ANO2: variants seen among roughly 807,000 people sequenced by gnomAD.
ANO2 encodes anoctamin-2.
ANO2 carries 101 observed loss-of-function variants against 124.2 expected under a neutral mutation model. The observed-to-expected ratio is 0.81, with a 90% CI of 0.69 to 0.96. The LOEUF (loss-of-function observed/expected upper bound fraction) is 0.96. ANO2 is among the 40% of genes least tolerant of loss of function. ANO2 has a pLI of 0.00. For missense variants in ANO2, 1,293 were observed against 1,274.5 expected (o/e 1.01, Z -0.22); for synonymous variants, 486 against 482.5 (o/e 1.01, Z -0.09).
In ANO2 at chr12:5,585,923, A is replaced by G. The variant is rs530913901; in HGVS notation, c.2234-7405T>C. On this transcript the variant is annotated intron_variant, in intron 20 of 24. Coordinates refer to ENST00000682330, the MANE Select transcript of ANO2 (RefSeq NM_001364791.2). ...GTTTATAGGATTTTAGAAAACGGAA[A>G]TAAGGAGCACAGAAAAGAGGACAAA... 2.0e-5 allele frequency among the ~76,000 whole-genome samples: 3 copies of G among 152,386 alleles called. No homozygotes were observed. In the East Asian group the frequency reaches 5.8e-4, roughly 29 times the overall value.
chr12:5,640,681 T>C (rs1466489085), intron 15 of ANO2, among the ~76,000 whole-genome samples: 11 of 152,112 alleles, frequency 7.2e-5, no homozygotes, highest in Non-Finnish European at 1.5e-4. Context: ...TGAGATACCA[T>C]CCCACACCAG....
At chr12:5,840,153 C>A (rs181962638) in intron 4 of ANO2, among the ~76,000 whole-genome samples, 32 of 152,262 alleles carry the variant, frequency 2.1e-4, no homozygotes, top group Admixed American at 4.6e-4. Context: ...CACATGTTAG[C>A]CAGCTGTTCC....
intron 7 of ANO2, among the ~76,000 whole-genome samples, chr12:5,810,199 G>T (rs149799204): frequency 6.6e-6 from 1 of 152,116 alleles, no homozygotes; most frequent in Non-Finnish European, 1.5e-5. Flanking sequence ...GAAGGGAGGA[G>T]AAAGTACATT....
intron 3 of ANO2, among the ~76,000 whole-genome samples, chr12:5,878,002 C>T (rs1938226470): frequency 6.6e-6 from 1 of 152,156 alleles, no homozygotes; most frequent in African/African-American, 2.4e-5. Context: ...GGTTGGAGAC[C>T]CCTGGTTTAA....
At chr12:5,905,018 AC>A (rs1432792172) in intron 3 of ANO2, among the ~76,000 whole-genome samples, 4 of 151,884 alleles carry the variant, frequency 2.6e-5, no homozygotes, top group Non-Finnish European at 5.9e-5. Context: ...GGACTCTAGG[AC>A]TCCCCTTTCC....
At chr12:5,840,809 G>A (rs1268310634) in intron 4 of ANO2, among the ~76,000 whole-genome samples, 1 of 152,162 alleles carries the variant, frequency 6.6e-6, no homozygotes, top group African/African-American at 2.4e-5. Flanking sequence ...ATTTATTGAT[G>A]CTTTCCTCTG....
chr12:5,919,453 C>T (rs890683343), intron 3 of ANO2, among the ~76,000 whole-genome samples: 1 of 147,670 alleles, frequency 6.8e-6, no homozygotes, highest in South Asian at 2.2e-4. Flanking sequence ...AGCACAAAGA[C>T]CTGAGGTCAA....
chr12:5,633,455 C>T (rs1444855817), intron 16 of ANO2, among the ~76,000 whole-genome samples: 1 of 152,206 alleles, frequency 6.6e-6, no homozygotes, highest in Non-Finnish European at 1.5e-5. Context: ...GTTCAGTAAT[C>T]AGGCCAGGAA....
intron 14 of ANO2, among the ~76,000 whole-genome samples, chr12:5,692,771 C>T (rs12422824): frequency 0.12 from 17,532 of 152,144 alleles, 1,133 homozygotes; most frequent in East Asian, 0.22. Context: ...CCCTGCGCCC[C>T]GTAGTAGGGC....
At chr12:5,894,352 C>A (rs1300014532) in intron 3 of ANO2, among the ~76,000 whole-genome samples, 1 of 151,844 alleles carries the variant, frequency 6.6e-6, no homozygotes, top group South Asian at 2.1e-4. Context: ...TTTTTTCTTG[C>A]AAATTTGTTT....
chr12:5,794,686 A>G (rs959805052), intron 10 of ANO2, among the ~76,000 whole-genome samples: 2 of 152,166 alleles, frequency 1.3e-5, no homozygotes. Flanking sequence ...GGTCTTGCAC[A>G]CATTTGTCTC....
intron 15 of ANO2, among the ~76,000 whole-genome samples, chr12:5,646,351 C>T (rs17194568): frequency 0.04 from 6,086 of 152,210 alleles, 175 homozygotes; most frequent in East Asian, 0.12. Flanking sequence ...ATACATTTAT[C>T]CAATTTTTTA....
At chr12:5,907,740 G>A (rs565813227) in intron 3 of ANO2, among the ~76,000 whole-genome samples, 1 of 152,206 alleles carries the variant, frequency 6.6e-6, no homozygotes, top group African/African-American at 2.4e-5. Context: ...GCCCATGAAC[G>A]GTGTGGGCTA....
intron 14 of ANO2, among the ~76,000 whole-genome samples, chr12:5,649,789 CATGTGT>C (rs911430950): frequency 6.7e-5 from 5 of 74,968 alleles, no homozygotes; most frequent in African/African-American, 2.9e-4. Context: ...TGCATGTGTG[CATGTGT>C]GTGTGTGTGT....
At chr12:5,796,326 TCACA>T (rs1024319409) in intron 10 of ANO2, among the ~76,000 whole-genome samples, 8 of 146,220 alleles carry the variant, frequency 5.5e-5, no homozygotes, top group East Asian at 2.0e-4. Flanking sequence ...CTGCTCACAC[TCACA>T]CACTCATGCA....
chr12:5,896,327 A>G (rs528746906), intron 3 of ANO2, among the ~76,000 whole-genome samples: 1 of 151,636 alleles, frequency 6.6e-6, no homozygotes, highest in East Asian at 1.9e-4. Flanking sequence ...CCCTAGATCA[A>G]CAACTAATAA....
At chr12:5,743,106 A>C (rs1190333254) in intron 12 of ANO2, among the ~76,000 whole-genome samples, 1 of 151,948 alleles carries the variant, frequency 6.6e-6, no homozygotes, top group Admixed American at 6.6e-5. Flanking sequence ...CCCACAGGGA[A>C]TGGAGGAAGG....
chr12:5,828,559 G>T (rs1324442141), intron 6 of ANO2, among the ~76,000 whole-genome samples: 2 of 152,180 alleles, frequency 1.3e-5, no homozygotes, highest in Non-Finnish European at 2.9e-5. Context: ...ACACTTCCTT[G>T]AAGATTCATG....
chr12:5,767,626 G>C (rs73253280), intron 10 of ANO2, among the ~76,000 whole-genome samples: 5,308 of 152,314 alleles, frequency 0.035, 296 homozygotes, highest in African/African-American at 0.12. Context: ...ATTAGGATTA[G>C]ATTCAGATGG....
Sources: allele counts gnomAD v4.1 joint callset (sites outside exome capture counted in the v4.1 genomes callset), GRCh38; gene constraint gnomAD v4.1.1; transcripts MANE v1.5; gene names NCBI Gene and HGNC (gene_info 2026-07-23, HGNC 2026-07-21).